The following SCARB1 variants were observed in gnomAD, a reference collection of about 807,000 sequenced individuals.
SCARB1 encodes CD36 and LIMPII analogous 1.
Under a neutral mutation model 57.2 loss-of-function variants are expected in SCARB1, and 30 were observed. That is an observed-to-expected ratio of 0.52 (90% CI 0.39 to 0.71). The LOEUF (loss-of-function observed/expected upper bound fraction) is 0.71. SCARB1 is among the 30% of genes least tolerant of loss of function. The probability of loss-of-function intolerance (pLI) is 0.00; values close to 1 mark genes in which losing one functional copy is unlikely to be tolerated. For synonymous variants in SCARB1, 249 were observed against 268.3 expected (o/e 0.93, Z 0.70); for missense variants, 543 against 671.2 (o/e 0.81, Z 2.11).
chr12:124,810,179 G>A lies in SCARB1; in HGVS notation c.837C>T (p.Ala279=). ...ESSLEFYSPE[A]CRSMKLMYKE... The stretch of plus-strand genomic sequence containing the variant: ...CCCCGAGTCCCAGTGATTACCGGCA[G>A]GCCTCCGGGCTGTAGAACTCCAGCG... Residue 279 remains alanine, a synonymous_variant, in exon 6 of 13, where the codon GCC becomes GCT. Coordinates refer to ENST00000261693, the MANE Select transcript of SCARB1 (RefSeq NM_005505.5). This position sits in a 1 kb window ranked among gnomAD's most constrained non-coding sequence, Gnocchi z 4.0. 6.2e-7 allele frequency: 1 copy of A among 1,611,618 alleles called. No homozygotes were observed. The highest frequency in any genetic ancestry group is 1.1e-5 in the South Asian group (1 of 91,050).
At chr12:124,841,097 C>T (rs924676654) in intron 1 of SCARB1, among the ~76,000 whole-genome samples, 10 of 152,192 alleles carry the variant, frequency 6.6e-5, no homozygotes, top group Non-Finnish European at 1.0e-4. Context: ...TGAGGCTGGG[C>T]GCGGTGGCTC....
At chr12:124,797,915 C>G (rs775867361) in intron 8 of SCARB1, among the ~76,000 whole-genome samples, 3 of 152,214 alleles carry the variant, frequency 2.0e-5, no homozygotes, top group Admixed American at 6.5e-5. Context: ...CCTCAGACAA[C>G]GAAAACCAGA....
chr12:124,810,386 A>T lies in SCARB1; in HGVS notation c.727-97T>A. 1.2e-6 allele frequency: 1 copy of T among 820,882 alleles called. No homozygotes were observed. The highest frequency in any genetic ancestry group is 1.4e-5 in the South Asian group (1 of 71,500). The allele number at this position is 820,882 out of a possible 1,614,324, so 50.8% of individuals were successfully genotyped here. On this transcript the variant is annotated intron_variant, in intron 5 of 12. Transcript: ENST00000261693. The surrounding 1 kb of genome is among the most constrained non-coding windows in gnomAD (Gnocchi z 4.0). The stretch of plus-strand genomic sequence containing the variant: ...ACACCTAACTCACCCTGGTGCACGC[A>T]CGGCCACTCAATTCCCAATACTGGC...
chr12:124,785,596 C>G (rs1949482847), intron 11 of SCARB1: 1 of 161,422 alleles, frequency 6.2e-6, no homozygotes, highest in Non-Finnish European at 1.4e-5. Context: ...AGTCTGGAAG[C>G]TGCATTCAGT....
At chr12:124,795,593 C>T (rs1490737304) in intron 8 of SCARB1, among the ~76,000 whole-genome samples, 1 of 152,222 alleles carries the variant, frequency 6.6e-6, no homozygotes, top group East Asian at 1.9e-4. Flanking sequence ...TAATCACTTT[C>T]ACCTGTCCTC....
chr12:124,778,395 C>A lies in SCARB1; in HGVS notation c.*192G>T, dbSNP rs763077696. The A allele has an allele frequency of 6.7e-5, 84 of 1,247,964 alleles. No homozygotes were observed. The highest frequency in any genetic ancestry group is 8.5e-5 in the Non-Finnish European group (84 of 991,712). The allele number at this position is 1,247,964 out of a possible 1,614,324, so 77.3% of individuals were successfully genotyped here. ...CTCCATCCCTGAGTGTCTGCACAAG[C>A]CTGCACGCATGTGTGTATGTGTGCC... On this transcript the variant is annotated 3_prime_UTR_variant, in exon 13 of 13. Coordinates refer to ENST00000261693, the MANE Select transcript of SCARB1 (RefSeq NM_005505.5).
At chr12:124,833,994 G>A (rs751006396) in intron 1 of SCARB1, among the ~76,000 whole-genome samples, 8 of 152,234 alleles carry the variant, frequency 5.3e-5, no homozygotes, top group Non-Finnish European at 8.8e-5. Flanking sequence ...GGCTGCGGAC[G>A]TGCCCGTGCT....
At chr12:124,854,025 C>A (rs1177271094) in intron 1 of SCARB1, among the ~76,000 whole-genome samples, 1 of 152,200 alleles carries the variant, frequency 6.6e-6, no homozygotes, top group African/African-American at 2.4e-5. Flanking sequence ...ACACAAAGGT[C>A]CCTGCCCTCA....
chr12:124,837,504 GGAGAAAAAAGAAAAGA>G (rs1179083963), intron 1 of SCARB1, among the ~76,000 whole-genome samples: 34 of 122,766 alleles, frequency 2.8e-4, no homozygotes, highest in South Asian at 7.6e-4. Flanking sequence ...AGGAAGGAAG[GGAGAAAAAAGAAAAGA>G]AAGGAAAGAA....
chr12:124,822,171 G>A lies in SCARB1; in HGVS notation c.127-4464C>T, dbSNP rs187611266. ...GGAGGAGTGCCTGGCAGAGGACACA[G>A]CCTGTGCAAAGGCTGGGAAGCCTTT... is the stretch of plus-strand genomic sequence containing the variant. On this transcript the variant is annotated intron_variant, in intron 1 of 12. Coordinates refer to ENST00000261693, the MANE Select transcript of SCARB1 (RefSeq NM_005505.5). This position sits in a 1 kb window ranked among gnomAD's most constrained non-coding sequence, Gnocchi z 5.0. Among the ~76,000 whole-genome samples the A allele has an allele frequency of 1.6e-3, 245 of 152,346 alleles. No homozygotes were observed. Among genetic ancestry groups the A allele is most frequent in the African/African-American group, 5.8e-3 (240 of 41,582 alleles).
chr12:124,794,397 A>ATTATTTT (rs1242276585), intron 9 of SCARB1, among the ~76,000 whole-genome samples: 2 of 113,968 alleles, frequency 1.8e-5, no homozygotes, highest in Non-Finnish European at 3.4e-5. Flanking sequence ...TGCTTGAAAA[A>ATTATTTT]TTCTTTTTTT....
At position 124,800,097 on chromosome 12, in the gene SCARB1, C is replaced by A. The variant is rs923466904; in HGVS notation, c.1128+27G>T. ...TGTGCTCCAACCAGGAATCACCCAC[C>A]CCCCACAGAGGATGGCAGGGGCTCA... On this transcript the variant is annotated intron_variant, in intron 8 of 12. Coordinates refer to ENST00000261693, the MANE Select transcript of SCARB1 (RefSeq NM_005505.5). The surrounding 1 kb of genome is among the most constrained non-coding windows in gnomAD (Gnocchi z 4.8). The A allele has an allele frequency of 1.5e-5, 23 of 1,541,646 alleles. No individual in the cohort carries two copies. The highest frequency in any genetic ancestry group is 7.2e-6 in the Non-Finnish European group (8 of 1,114,834).
chr12:124,782,081 G>C (rs1041550281), intron 12 of SCARB1, among the ~76,000 whole-genome samples: 2 of 151,850 alleles, frequency 1.3e-5, no homozygotes, highest in African/African-American at 4.8e-5. Flanking sequence ...AATTTTTTTT[G>C]TATTTTTAGT....
In SCARB1 at chr12:124,795,232, G is replaced by A. The variant is rs1407537891; in HGVS notation, c.1165C>T (p.Gln389Ter). 5.6e-6 allele frequency: 9 copies of A among 1,613,830 alleles called. No homozygotes were observed. The highest frequency in any genetic ancestry group is 5.9e-6 in the Non-Finnish European group (7 of 1,179,880). Residue 389 changes from glutamine to a stop codon, truncating the protein, a stop_gained, in exon 9 of 13, where the codon CAG becomes TAG. Coordinates refer to ENST00000261693, the MANE Select transcript of SCARB1 (RefSeq NM_005505.5). LOFTEE classifies it high-confidence loss of function. ...ACAGATTTCATGTAGAGGCTCAGCT[G>A]CAGTTTCACAGAGCAGTTCATGGGG... Reference protein sequence around the residue: ...GIPMNCSVKLQLSLYMKSVAG... With the variant: ...GIPMNCSVKL
intron 10 of SCARB1, among the ~76,000 whole-genome samples, 187 bp from the exon 11 acceptor site, chr12:124,786,690 C>T (rs1486257615): frequency 3.9e-5 from 6 of 152,232 alleles, no homozygotes; most frequent in Non-Finnish European, 7.3e-5. Context: ...ACTACAATTC[C>T]CCGACTCCCT....
At chr12:124,840,205 A>C (rs1375099931) in intron 1 of SCARB1, among the ~76,000 whole-genome samples, 2 of 150,918 alleles carry the variant, frequency 1.3e-5, no homozygotes, top group African/African-American at 4.9e-5. Context: ...TTTTTAAGAC[A>C]GAGTCTTGCT....
intron 5 of SCARB1, among the ~76,000 whole-genome samples, 153 bp downstream of exon 5, chr12:124,811,717 C>T (rs1048523249): frequency 6.6e-6 from 1 of 152,100 alleles, no homozygotes; most frequent in African/African-American, 2.4e-5. Flanking sequence ...AGGTAAAATC[C>T]CTCCTCCAAC....
chr12:124,836,319 C>T (rs1412033137), intron 1 of SCARB1, among the ~76,000 whole-genome samples: 1 of 152,178 alleles, frequency 6.6e-6, no homozygotes, highest in Non-Finnish European at 1.5e-5. Context: ...AGCCACTGGG[C>T]AAAATCTACT....
intron 1 of SCARB1, among the ~76,000 whole-genome samples, chr12:124,841,109 C>T (rs574987044): frequency 2.8e-4 from 42 of 152,216 alleles, no homozygotes; most frequent in Non-Finnish European, 3.4e-4. Context: ...CGGTGGCTCA[C>T]GCCTGTAATC....
Sources: gnomAD v4.1 joint callset for allele counts (sites outside exome capture counted in the v4.1 genomes callset) on GRCh38, gnomAD v4.1.1 for gene constraint, Gnocchi (gnomAD v3.1) non-coding constraint, MANE v1.5 for transcripts, NCBI Gene and HGNC (gene_info 2026-07-23, HGNC 2026-07-21) for gene names.